Variants in MID1 observed in about 807,000 individuals in gnomAD.
MID1 encodes midline 1, also known as E3 ubiquitin-protein ligase Midline-1.
In MID1, 7 loss-of-function variants were observed where a neutral mutation model predicts 40.4. The observed-to-expected ratio is 0.17, with a 90% CI of 0.10 to 0.33. MID1 has a LOEUF of 0.33. MID1 is among the 10% of genes least tolerant of loss of function. MID1 has a pLI of 1.00. For synonymous variants in MID1, 229 were observed against 221.2 expected (o/e 1.04, Z -0.31); for missense variants, 367 against 558.5 (o/e 0.66, Z 3.46).
intron 1 of MID1, among the ~76,000 whole-genome samples, chrX:10,672,321 T>C (rs1008892570): frequency 8.0e-5 from 9 of 111,941 alleles, no homozygotes; most frequent in African/African-American, 2.9e-4. Context: ...GTATGTGTTA[T>C]GTTACATGGC....
At chrX:10,457,666 ACT>A (rs1252843263) in intron 8 of MID1, among the ~76,000 whole-genome samples, 1 of 111,164 alleles carries the variant, frequency 9.0e-6, no homozygotes, top group Admixed American at 9.5e-5. Flanking sequence ...TTTGATTTAA[ACT>A]CTTCAATCTC....
At chrX:10,493,391 T>C (rs1372655376) in intron 4 of MID1, among the ~76,000 whole-genome samples, 1 of 111,614 alleles carries the variant, frequency 9.0e-6, no homozygotes, top group Non-Finnish European at 1.9e-5. Context: ...AAACCTTGAC[T>C]GTCGATTTTG....
chrX:10,590,802 G>C (rs1300129331), intron 1 of MID1, among the ~76,000 whole-genome samples: 1 of 112,018 alleles, frequency 8.9e-6, no homozygotes, highest in Non-Finnish European at 1.9e-5. Flanking sequence ...CATGAGTTTG[G>C]AGTTAATATC....
intron 1 of MID1, among the ~76,000 whole-genome samples, chrX:10,809,349 C>T (rs2044076339): frequency 8.9e-6 from 1 of 111,754 alleles, no homozygotes; most frequent in African/African-American, 3.3e-5. Flanking sequence ...ACTAGTTCAA[C>T]CATTGTGGAA....
At position 10,448,398 on chromosome X, in the gene MID1, T is replaced by G. The variant is rs773846076; in HGVS notation, c.*970A>C. 2.7e-5 allele frequency: 3 copies of G among 111,182 alleles called. No individual in the cohort carries two copies. Among genetic ancestry groups the G allele is most frequent in the Non-Finnish European group, 3.8e-5 (2 of 53,098 alleles). 9.2% of individuals were successfully genotyped at this position (111,182 alleles called of 1,213,427 possible). On this transcript the variant is annotated 3_prime_UTR_variant, in exon 10 of 10. Coordinates refer to ENST00000317552, the MANE Select transcript of MID1 (RefSeq NM_000381.4). Reference sequence around the variant, plus strand: ...TGGTGCTGCTATTTGTGACAGAACATGTTTATTTACTCAGCCCCGGAGACA... The same window carrying G: ...TGGTGCTGCTATTTGTGACAGAACAGGTTTATTTACTCAGCCCCGGAGACA...
At chrX:10,617,941 C>T (rs1935867514) in intron 1 of MID1, among the ~76,000 whole-genome samples, 1 of 112,562 alleles carries the variant, frequency 8.9e-6, no homozygotes, top group African/African-American at 3.2e-5. Context: ...CCTTAGGAAC[C>T]CTCAAAGAAT....
intron 1 of MID1, among the ~76,000 whole-genome samples, chrX:10,675,647 ATG>A (rs1355810629): frequency 2.7e-5 from 3 of 111,724 alleles, no homozygotes; most frequent in African/African-American, 9.8e-5. Context: ...ATATATTTAT[ATG>A]TGTGTGTATA....
chrX:10,564,043 A>G (rs1412632306), intron 2 of MID1, among the ~76,000 whole-genome samples: 1 of 112,302 alleles, frequency 8.9e-6, no homozygotes, highest in East Asian at 2.8e-4. Context: ...CAAAGACACC[A>G]GGGTCCTTAC....
At chrX:10,678,311 C>T (rs1385989138) in intron 1 of MID1, among the ~76,000 whole-genome samples, 2 of 111,721 alleles carry the variant, frequency 1.8e-5, no homozygotes, top group Admixed American at 9.5e-5. Context: ...GCTCTATTCT[C>T]AGTTGTTCTC....
At chrX:10,469,460 T>A in intron 7 of MID1, 1 of 1,102,539 alleles carries the variant, frequency 9.1e-7, no homozygotes. Flanking sequence ...TTCTGGCTTC[T>A]TTCCCTTAAC....
At chrX:10,715,277 G>A (rs1372465387) in intron 1 of MID1, among the ~76,000 whole-genome samples, 1 of 112,297 alleles carries the variant, frequency 8.9e-6, no homozygotes, top group Non-Finnish European at 1.9e-5. Context: ...GCAAGGGGTT[G>A]GGGAATTCCC....
At chrX:10,830,658 C>T (rs764224837) in intron 1 of MID1, among the ~76,000 whole-genome samples, 1 of 111,913 alleles carries the variant, frequency 8.9e-6, no homozygotes, top group Admixed American at 9.5e-5. Context: ...CTGGACTAAG[C>T]CATATTAGTG....
intron 2 of MID1, among the ~76,000 whole-genome samples, chrX:10,524,190 T>TA (rs1280990632): frequency 9.8e-5 from 11 of 112,042 alleles, no homozygotes; most frequent in African/African-American, 3.6e-4. Context: ...GCATCAAACT[T>TA]AAAGTTCTCT....
chrX:10,572,815 C>T, intron 1 of MID1, among the ~76,000 whole-genome samples: 1 of 111,762 alleles, frequency 8.9e-6, no homozygotes, highest in African/African-American at 3.3e-5. Context: ...GGAATGGCAA[C>T]AAATCACAGC....
At chrX:10,696,754 T>G (rs978050631) in intron 1 of MID1, among the ~76,000 whole-genome samples, 3 of 112,415 alleles carry the variant, frequency 2.7e-5, no homozygotes, top group Non-Finnish European at 5.6e-5. Flanking sequence ...GTGGCTGGCA[T>G]TATATTTCTA....
At chrX:10,513,003 G>A (rs765164446) in intron 3 of MID1, among the ~76,000 whole-genome samples, 2 of 112,038 alleles carry the variant, frequency 1.8e-5, no homozygotes, top group East Asian at 2.8e-4. Context: ...AAAATAACCA[G>A]TACTACAATT....
At chrX:10,594,342 T>G (rs936780684) in intron 1 of MID1, among the ~76,000 whole-genome samples, 3 of 111,730 alleles carry the variant, frequency 2.7e-5, no homozygotes, top group Non-Finnish European at 5.6e-5. Flanking sequence ...TCTCTCAGTA[T>G]CTTTTCACCA....
chrX:10,559,380 C>T (rs1934245774), intron 2 of MID1, among the ~76,000 whole-genome samples: 1 of 112,140 alleles, frequency 8.9e-6, no homozygotes, highest in Admixed American at 9.4e-5. Context: ...GGTGAAACTC[C>T]ATAAAATTAC....
rs146335624 is a variant in MID1, at chrX:10,581,210, C to T, written c.-56-13607G>A. Among the ~76,000 whole-genome samples, 686 of 111,522 alleles carry T rather than the reference C, an allele frequency of 6.2e-3. 6 individuals are homozygous for T. The highest frequency in any genetic ancestry group is 0.021 in the African/African-American group (647 of 30,635). ...GTTGCAGTGAACCGAGATTGCGCCA[C>T]TGCACTCCAGCCTGGGTGATAGAGT... On this transcript the variant is annotated intron_variant, in intron 1 of 9. Coordinates refer to ENST00000317552, the MANE Select transcript of MID1 (RefSeq NM_000381.4).
Sources: gnomAD v4.1 joint callset for allele counts (sites outside exome capture counted in the v4.1 genomes callset) on GRCh38, gnomAD v4.1.1 for gene constraint, MANE v1.5 for transcripts, NCBI Gene and HGNC (gene_info 2026-07-23, HGNC 2026-07-21) for gene names.